Variants in PTCHD4 observed in about 807,000 individuals in gnomAD.
PTCHD4 encodes patched domain-containing protein 4.
PTCHD4 carries 33 observed loss-of-function variants against 58.1 expected under a neutral mutation model. The ratio of observed to expected loss-of-function variants is 0.57; its 90% CI spans 0.43 to 0.76. The LOEUF (loss-of-function observed/expected upper bound fraction) is 0.76. PTCHD4 is among the 30% of genes least tolerant of loss of function. PTCHD4 has a pLI of 0.00. For missense variants in PTCHD4, 1,058 were observed against 1,027.1 expected, an observed-to-expected ratio of 1.03 and a Z score of -0.41; for synonymous variants, 478 against 409.6, an observed-to-expected ratio of 1.17 and a Z score of -2.02.
intron 4 of PTCHD4, among the ~76,000 whole-genome samples, chr6:47,966,114 G>A (rs1299528393): frequency 1.3e-5 from 2 of 152,166 alleles, no homozygotes; most frequent in Non-Finnish European, 2.9e-5. Flanking sequence ...GAATTTAGTA[G>A]TGAGAAATGT....
intron 1 of PTCHD4, among the ~76,000 whole-genome samples, chr6:48,072,955 T>C (rs1440876746): frequency 6.6e-6 from 1 of 152,112 alleles, no homozygotes; most frequent in Non-Finnish European, 1.5e-5. Flanking sequence ...TCAATTTTTA[T>C]ACTGTTAAAA....
rs115787137 is a variant in PTCHD4, at chr6:48,056,022, T to C, written c.417+12208A>G. ...GTTTCCCACTCTTAGTGGAAAAGTATGGTAAATGTTGAATTAAACAGATTC... is the reference window on the plus strand; with the variant it reads ...GTTTCCCACTCTTAGTGGAAAAGTACGGTAAATGTTGAATTAAACAGATTC... On this transcript the variant is annotated intron_variant, in intron 3 of 4. Coordinates refer to ENST00000339488, the MANE Select transcript of PTCHD4 (RefSeq NM_001384253.1). Among the ~76,000 whole-genome samples, 720 of 152,328 alleles carry C rather than the reference T, an allele frequency of 4.7e-3. 6 individuals are homozygous for C. Among genetic ancestry groups the C allele is most frequent in the African/African-American group, 0.016 (650 of 41,572 alleles).
intron 4 of PTCHD4, among the ~76,000 whole-genome samples, chr6:47,923,325 A>G (rs73739014): frequency 0.011 from 1,604 of 152,260 alleles, 35 homozygotes; most frequent in African/African-American, 0.037. Flanking sequence ...GAAGTATATT[A>G]TATACTATAT....
At chr6:47,986,536 C>A (rs1195673815) in intron 4 of PTCHD4, among the ~76,000 whole-genome samples, 1 of 152,026 alleles carries the variant, frequency 6.6e-6, no homozygotes, top group African/African-American at 2.4e-5. Flanking sequence ...TAGCCTGCCT[C>A]CTGAGGTATT....
rs1409484990 is a variant in PTCHD4 at position 47,862,521 on chromosome 6, AT to A, written c.*15781del. Among the ~76,000 whole-genome samples the A allele has an allele frequency of 6.6e-6, 1 of 151,564 alleles. No homozygotes were observed. The highest frequency in any genetic ancestry group is 2.4e-5 in the African/African-American group (1 of 41,330). On this transcript the variant is annotated 3_prime_UTR_variant, in exon 5 of 5. Transcript: ENST00000339488. Reference sequence around the variant, plus strand: ...TATTTGGTTTCCTGGCCATTTGTCAATTTTTTTCTTCATATTTTACTATTTA... The same window carrying A: ...TATTTGGTTTCCTGGCCATTTGTCAATTTTTTCTTCATATTTTACTATTTA...
intron 4 of PTCHD4, among the ~76,000 whole-genome samples, chr6:47,895,425 C>T (rs1691375198): frequency 6.6e-6 from 1 of 152,086 alleles, no homozygotes; most frequent in Non-Finnish European, 1.5e-5. Context: ...AAATAATGAG[C>T]TGATAAAAGC....
chr6:48,015,762 AGT>A (rs1185474708), intron 3 of PTCHD4, among the ~76,000 whole-genome samples: 1 of 151,884 alleles, frequency 6.6e-6, no homozygotes, highest in East Asian at 1.9e-4. Context: ...CCTCTGCTAG[AGT>A]GTGTGCTTGT....
chr6:47,885,259 AAAT>A (rs979659584), intron 4 of PTCHD4, among the ~76,000 whole-genome samples: 2 of 152,196 alleles, frequency 1.3e-5, no homozygotes, highest in Admixed American at 1.3e-4. Flanking sequence ...AGATGAATAG[AAAT>A]AATAAGGGGG....
chr6:48,064,622 A>G lies in PTCHD4; in HGVS notation c.417+3608T>C, dbSNP rs970310622. The stretch of plus-strand genomic sequence containing the variant: ...TAAAGACAGCTGGAGAATACAAAGA[A>G]TACCTTTATAATAAAAGTAAGCCAC... On this transcript the variant is annotated intron_variant, in intron 3 of 4. Transcript: ENST00000339488. Among the ~76,000 whole-genome samples the G allele has an allele frequency of 8.5e-4, 130 of 152,328 alleles. 1 individual carries two copies. The highest frequency in any genetic ancestry group is 2.8e-4 in the Non-Finnish European group (19 of 68,008).
intron 3 of PTCHD4, among the ~76,000 whole-genome samples, chr6:48,024,455 G>A (rs1763172609): frequency 6.6e-6 from 1 of 152,000 alleles, no homozygotes; most frequent in South Asian, 2.1e-4. Flanking sequence ...GTAATTTTAG[G>A]AGAAACCTAA....
At position 47,860,929 on chromosome 6, in the gene PTCHD4, TA is replaced by T. The variant is rs1561923934; in HGVS notation, c.*17373del. 6.6e-6 allele frequency among the ~76,000 whole-genome samples: 1 copy of T among 152,002 alleles called. No homozygotes were observed. Among genetic ancestry groups the T allele is most frequent in the East Asian group, 1.9e-4 (1 of 5,162 alleles). The stretch of plus-strand genomic sequence containing the variant: ...TACTTTTAAAAATCAGTTCTGTATC[TA>T]AGGTAGTATAGTCCAACTAAGAAAC... On this transcript the variant is annotated 3_prime_UTR_variant, in exon 5 of 5. Coordinates refer to ENST00000339488, the MANE Select transcript of PTCHD4 (RefSeq NM_001384253.1).
At chr6:47,934,074 T>G (rs1765918983) in intron 4 of PTCHD4, among the ~76,000 whole-genome samples, 1 of 152,208 alleles carries the variant, frequency 6.6e-6, no homozygotes, top group South Asian at 2.1e-4. Context: ...AAATTCCTCA[T>G]GAAACTATTC....
intron 4 of PTCHD4, among the ~76,000 whole-genome samples, chr6:47,923,086 G>T (rs1765484737): frequency 6.6e-6 from 1 of 152,198 alleles, no homozygotes; most frequent in Non-Finnish European, 1.5e-5. Context: ...TAGAGAGAAA[G>T]TGATATCAGA....
At chr6:47,926,381 A>G (rs377220473) in intron 4 of PTCHD4, among the ~76,000 whole-genome samples, 4 of 152,304 alleles carry the variant, frequency 2.6e-5, no homozygotes, top group East Asian at 1.9e-4. Flanking sequence ...AACATGTCTG[A>G]TTTTCTGTAA....
At chr6:47,907,586 T>C (rs960450977) in intron 4 of PTCHD4, among the ~76,000 whole-genome samples, 1 of 152,162 alleles carries the variant, frequency 6.6e-6, no homozygotes, top group African/African-American at 2.4e-5. Flanking sequence ...GCCCATGACT[T>C]GGAAATGCCA....
chr6:47,916,727 A>G (rs1056517864), intron 4 of PTCHD4, among the ~76,000 whole-genome samples: 2 of 152,096 alleles, frequency 1.3e-5, no homozygotes, highest in African/African-American at 4.8e-5. Flanking sequence ...TTCCTCCTAC[A>G]AGGCTAGTTG....
chr6:47,998,495 T>G (rs1323548639), intron 4 of PTCHD4, among the ~76,000 whole-genome samples: 2 of 152,172 alleles, frequency 1.3e-5, no homozygotes, highest in African/African-American at 4.8e-5. Context: ...CTCAGTAAAA[T>G]TGTTATGTAA....
chr6:47,879,586 C>A lies in PTCHD4; in HGVS notation c.1249G>T (p.Val417Leu). 2 of 1,613,752 alleles carry A rather than the reference C, an allele frequency of 1.2e-6. No homozygotes were observed. Among genetic ancestry groups the A allele is most frequent in the Non-Finnish European group, 1.7e-6 (2 of 1,179,794 alleles). Residue 417 changes from valine (V) to leucine (L), a missense_variant, in exon 5 of 5, where the codon GTG becomes TTG. By Grantham distance (32) the Val-to-Leu change is conservative. Transcript: ENST00000339488. ...TCACTCATCACTGTCTGGAACCACA[C>A]AGGTTTGCGATCCAGGTATTCTGCA... ...PSAEYLDRKP[V>L]WFQTVMSDGH...
At chr6:48,077,480 C>T (rs1765082130) in intron 1 of PTCHD4, among the ~76,000 whole-genome samples, 1 of 152,204 alleles carries the variant, frequency 6.6e-6, no homozygotes, top group African/African-American at 2.4e-5. Flanking sequence ...ATTCACTTTG[C>T]ATTTTTGTGG....
Sources: allele counts gnomAD v4.1 joint callset (sites outside exome capture counted in the v4.1 genomes callset), GRCh38; gene constraint gnomAD v4.1.1; transcripts MANE v1.5; gene names NCBI Gene and HGNC (gene_info 2026-07-23, HGNC 2026-07-21).